The following DIP2C variants were observed in gnomAD, a reference collection of about 807,000 sequenced individuals.
The protein encoded by DIP2C is disco-interacting protein 2 homolog C.
In DIP2C, 33 loss-of-function variants were observed where a neutral mutation model predicts 192.4. The observed-to-expected ratio is 0.17, with a 90% CI of 0.13 to 0.23. DIP2C has a LOEUF of 0.23. Among genes scored for constraint, DIP2C ranks in the 10% least tolerant of loss-of-function variants. DIP2C has a pLI of 1.00. For missense variants in DIP2C, 1,537 were observed against 2,110.1 expected, an observed-to-expected ratio of 0.73 and a Z score of 5.32; for synonymous variants, 979 against 864.1, an observed-to-expected ratio of 1.13 and a Z score of -2.33.
rs140080873 is a variant in DIP2C at position 619,887 on chromosome 10, G to A, written c.85+69607C>T. 4.6e-3 allele frequency among the ~76,000 whole-genome samples: 707 copies of A among 152,320 alleles called. 5 individuals carry two copies. The highest frequency in any genetic ancestry group is 0.016 in the African/African-American group (657 of 41,582). On this transcript the variant is annotated intron_variant, in intron 1 of 36. Transcript: ENST00000280886. ...TCCCTGTACTTTAAGTAGACCAGGT[G>A]GACAAGCTACACCACTCACGGCTCC...
rs981132571 is a variant in DIP2C, at chr10:553,762, G to A, written c.86-67232C>T. Among the ~76,000 whole-genome samples the A allele has an allele frequency of 2.6e-5, 4 of 151,884 alleles. No homozygotes were observed. The East Asian group carries it at 7.8e-4, about 30-fold the overall frequency. On this transcript the variant is annotated intron_variant, in intron 1 of 36. Transcript: ENST00000280886. ...AACTGTAACAGCGGCAAACAGGCAAGAAATATACCTCATAGGAGAAAAGGT... is the reference window on the plus strand; with the variant it reads ...AACTGTAACAGCGGCAAACAGGCAAAAAATATACCTCATAGGAGAAAAGGT...
In DIP2C at chr10:357,856, T is replaced by C; in HGVS notation, c.2876A>G (p.Gln959Arg). The C allele has an allele frequency of 1.2e-6, 2 of 1,612,676 alleles. No individual in the cohort carries two copies. The highest frequency in any genetic ancestry group is 1.7e-6 in the Non-Finnish European group (2 of 1,179,872). ...GCGTGCCTGGTCGTTATCTTCGATC[T>C]GACCCAGGTCTCTGCCACTGGCCTG... Reference protein sequence around the residue: ...IAQASGRDLGQIEDNDQARKF... With the variant: ...IAQASGRDLGRIEDNDQARKF... Residue 959 changes from glutamine to arginine, a missense_variant, in exon 23 of 37, where the codon CAG becomes CGG. By Grantham distance (43) the Gln-to-Arg change is conservative (BLOSUM62 1). Transcript: ENST00000280886.
intron 9 of DIP2C, among the ~76,000 whole-genome samples, chr10:407,819 T>C (rs1045434801): frequency 1.3e-5 from 2 of 152,198 alleles, no homozygotes; most frequent in African/African-American, 4.8e-5. Flanking sequence ...TCTTTAAATA[T>C]TTTAGATATT....
At chr10:434,239 A>C (rs1254162363) in intron 4 of DIP2C, among the ~76,000 whole-genome samples, 1 of 152,224 alleles carries the variant, frequency 6.6e-6, no homozygotes, top group African/African-American at 2.4e-5. Flanking sequence ...AAATCTATTA[A>C]GAAAAATAAA....
chr10:434,040 A>G (rs1430984499), intron 4 of DIP2C, among the ~76,000 whole-genome samples: 1 of 152,166 alleles, frequency 6.6e-6, no homozygotes, highest in East Asian at 1.9e-4. Context: ...CTTTCAAATG[A>G]CACTATACTG....
intron 1 of DIP2C, among the ~76,000 whole-genome samples, chr10:574,097 A>C (rs921174990): frequency 5.3e-5 from 8 of 152,212 alleles, no homozygotes; most frequent in African/African-American, 1.7e-4. Flanking sequence ...TGCTTTTCTC[A>C]ATTTTTGCCA....
At position 408,980 on chromosome 10, in the gene DIP2C, G is replaced by A; in HGVS notation, c.1095C>T (p.Ser365=). The A allele has an allele frequency of 6.2e-7, 1 of 1,614,190 alleles. No individual in the cohort carries two copies. The highest frequency in any genetic ancestry group is 8.5e-7 in the Non-Finnish European group (1 of 1,180,022). ...GCTTTGTGCCTAATTTGTGTAGAAT[G>A]CTGTAAGCGACCTTCATACTTCTTG... is the stretch of plus-strand genomic sequence containing the variant. ...LWTRSMKVAY[S]ILHKLGTKQE... The change falls in exon 9 of 37, where the codon AGC becomes AGT. Residue 365 remains serine (S), a synonymous_variant. Transcript: ENST00000280886.
chr10:289,056 G>C (rs2132185644), intron 32 of DIP2C, among the ~76,000 whole-genome samples: 1 of 152,322 alleles, frequency 6.6e-6, no homozygotes, highest in Admixed American at 6.5e-5. Flanking sequence ...CTTCACTACT[G>C]GTTTTGCATT....
chr10:359,810 A>G (rs1226803674), intron 22 of DIP2C, among the ~76,000 whole-genome samples: 1 of 152,140 alleles, frequency 6.6e-6, no homozygotes, highest in Non-Finnish European at 1.5e-5. Context: ...TTTTTGAGAC[A>G]GAATCTGACT....
chr10:360,134 G>C (rs1329776965), intron 22 of DIP2C, among the ~76,000 whole-genome samples: 3 of 152,178 alleles, frequency 2.0e-5, no homozygotes, highest in Non-Finnish European at 4.4e-5. Flanking sequence ...TGAAGACGTA[G>C]CACGTTCCCT....
intron 1 of DIP2C, among the ~76,000 whole-genome samples, chr10:521,380 G>A (rs1409828397): frequency 6.6e-6 from 1 of 152,124 alleles, no homozygotes; most frequent in East Asian, 1.9e-4. Flanking sequence ...CTAAGAGAAG[G>A]CCTCAATGAT....
chr10:637,685 C>T (rs141457751), intron 1 of DIP2C, among the ~76,000 whole-genome samples: 70 of 152,320 alleles, frequency 4.6e-4, no homozygotes, highest in African/African-American at 1.5e-3. Flanking sequence ...ATTACAAAAG[C>T]CCATCATTTA....
chr10:682,081 C>T (rs1043762463), intron 1 of DIP2C, among the ~76,000 whole-genome samples: 2 of 152,222 alleles, frequency 1.3e-5, no homozygotes, highest in African/African-American at 4.8e-5. Flanking sequence ...TCTGTGCTGA[C>T]CTTTGCTGGT....
chr10:382,443 G>A (rs79643961), intron 17 of DIP2C: 31,807 of 505,512 alleles, frequency 0.063, 1,195 homozygotes, highest in East Asian at 0.12. Context: ...TGCAGAGAGC[G>A]ATAAATGTTT....
At chr10:389,809 A>C (rs61615394) in intron 13 of DIP2C, among the ~76,000 whole-genome samples, 182 bp downstream of exon 13, 365 of 152,366 alleles carry the variant, frequency 2.4e-3, no homozygotes, top group African/African-American at 8.4e-3. Context: ...GAAGCCGCCC[A>C]GTCTGTAGTA....
intron 1 of DIP2C, among the ~76,000 whole-genome samples, chr10:512,788 C>T (rs1320810469): frequency 6.6e-6 from 1 of 151,678 alleles, no homozygotes; most frequent in Non-Finnish European, 1.5e-5. Flanking sequence ...ATGGTGGGTG[C>T]CTGTAATCCC....
At chr10:430,537 T>C (rs1042171101) in intron 4 of DIP2C, 1 of 152,250 alleles carries the variant, frequency 6.6e-6, no homozygotes, top group African/African-American at 2.4e-5. Context: ...GATTGTTTTG[T>C]TATTGTTGAC....
At position 277,283 on chromosome 10, in the gene DIP2C, G is replaced by T. The variant is rs367663613; in HGVS notation, c.*42C>A. 6.2e-7 allele frequency: 1 copy of T among 1,605,932 alleles called. No individual in the cohort carries two copies. The highest frequency in any genetic ancestry group is 8.5e-7 in the Non-Finnish European group (1 of 1,177,284). Reference sequence around the variant, plus strand: ...CGCTTCAGTGGACACGGAGAACAATGTCTACATCTCTAGAAAAGTCCATGG... The same window carrying T: ...CGCTTCAGTGGACACGGAGAACAATTTCTACATCTCTAGAAAAGTCCATGG... On this transcript the variant is annotated 3_prime_UTR_variant, in exon 37 of 37. Coordinates refer to ENST00000280886, the MANE Select transcript of DIP2C (RefSeq NM_014974.3).
chr10:639,566 C>T (rs957844447), intron 1 of DIP2C, among the ~76,000 whole-genome samples: 6 of 152,244 alleles, frequency 3.9e-5, no homozygotes, highest in Admixed American at 3.3e-4. Context: ...CATGAAGCCA[C>T]GCTGGAAGCA....
Sources: gnomAD v4.1 joint callset for allele counts (sites outside exome capture counted in the v4.1 genomes callset) on GRCh38, gnomAD v4.1.1 for gene constraint, MANE v1.5 for transcripts, NCBI Gene and HGNC (gene_info 2026-07-23, HGNC 2026-07-21) for gene names.